Variants in TMEM94 observed in about 807,000 individuals in gnomAD.
TMEM94 encodes the protein transmembrane protein 94, also known as ER Mg2+ ATPase.
In TMEM94, 81 loss-of-function variants were observed where a neutral mutation model predicts 158.6. The observed-to-expected ratio is 0.51, with a 90% CI of 0.43 to 0.61. TMEM94 has a LOEUF of 0.61. Among genes scored for constraint, TMEM94 ranks in the 20% least tolerant of loss-of-function variants. The pLI, the probability that TMEM94 is intolerant of heterozygous loss-of-function variation, is 0.00. For synonymous variants in TMEM94, 751 were observed against 730.7 expected, an observed-to-expected ratio of 1.03 and a Z score of -0.45; for missense variants, 1,435 against 1,762.0, an observed-to-expected ratio of 0.81 and a Z score of 3.32.
chr17:75,496,740 C>T lies in TMEM94; in HGVS notation c.3254C>T (p.Ala1085Val). The stretch of plus-strand genomic sequence containing the variant: ...CCTCTTGGTCCCTAGGCTCGGCATG[C>T]CACCTATGGCATCCGTAAGTGCTTC... ...IIRLIEQARH[A>V]TYGIRKCFLF... The change falls in exon 25 of 32, where the codon GCC (alanine) becomes GTC (valine). Residue 1085 changes from alanine (A) to valine (V), a missense_variant. Around this residue, in one of 3 missense-constraint regions of TMEM94, gnomAD observed 335 missense variants for 409.1 expected, o/e 0.82. Transcript: ENST00000314256. The T allele has an allele frequency of 5.6e-6, 9 of 1,613,818 alleles. No homozygotes were observed. Among genetic ancestry groups the T allele is most frequent in the Non-Finnish European group, 7.6e-6 (9 of 1,179,972 alleles).
In TMEM94 at chr17:75,489,834, A is replaced by C; in HGVS notation, c.954+172A>C. Reference sequence around the variant, plus strand: ...GGGGACTCAGGCCTGTAATCCAAGCACTTTGGGAGGCCACGGCAGGCAGAT... The same window carrying C: ...GGGGACTCAGGCCTGTAATCCAAGCCCTTTGGGAGGCCACGGCAGGCAGAT... On this transcript the variant is annotated intron_variant, in intron 9 of 31. Coordinates refer to ENST00000314256, the MANE Select transcript of TMEM94 (RefSeq NM_014738.6). The surrounding 1 kb of genome is among the most constrained non-coding windows in gnomAD (Gnocchi z 5.0). 1 of 641,862 alleles carries C rather than the reference A, an allele frequency of 1.6e-6. No homozygotes were observed. The highest frequency in any genetic ancestry group is 2.7e-6 in the Non-Finnish European group (1 of 365,190). The allele number at this position is 641,862 out of a possible 1,614,324, so 39.8% of individuals were successfully genotyped here.
Position 75,471,886 on chromosome 17 carries a change from G to A in TMEM94, c.-20G>A, listed in dbSNP as rs965759531. On this transcript the variant is annotated 5_prime_UTR_variant, in exon 2 of 32. It removes an upstream start codon present in the reference 5' UTR. Transcript: ENST00000314256. ...GGGGTGACCACATTCATCTGGGCAT[G>A]CCTGCAGTACTCTTGGCCCATGGAC... 15 of 1,613,908 alleles carry A rather than the reference G, an allele frequency of 9.3e-6. No individual in the cohort carries two copies. Among genetic ancestry groups the A allele is most frequent in the Non-Finnish European group, 1.3e-5 (15 of 1,179,854 alleles).
intron 27 of TMEM94, 70 bp downstream of exon 27, chr17:75,497,932 G>T (rs1233148757): frequency 7.0e-7 from 1 of 1,435,558 alleles, no homozygotes; most frequent in African/African-American, 1.4e-5. Context: ...GGAGGAGAGA[G>T]GGGCTAATCT....
Position 75,471,854 on chromosome 17 carries a change from C to G in TMEM94, c.-52C>G. The G allele has an allele frequency of 2.5e-6, 4 of 1,608,232 alleles. No individual in the cohort carries two copies. Among genetic ancestry groups the G allele is most frequent in the Non-Finnish European group, 3.4e-6 (4 of 1,175,142 alleles). ...TTTGTACATGCTGGGGAGGAGCCTT[C>G]CTTTCAGGGGTGACCACATTCATCT... On this transcript the variant is annotated 5_prime_UTR_variant, in exon 2 of 32. Coordinates refer to ENST00000314256, the MANE Select transcript of TMEM94 (RefSeq NM_014738.6).
rs368472205 is a variant in TMEM94 at position 75,498,891 on chromosome 17, C to A, written c.3828-21C>A. The A allele has an allele frequency of 2.6e-6, 4 of 1,532,400 alleles. No individual in the cohort carries two copies. The highest frequency in any genetic ancestry group is 1.8e-4 in the Middle Eastern group (1 of 5,636). The allele number at this position is 1,532,400 out of a possible 1,614,324, so 94.9% of individuals were successfully genotyped here. ...GGAAGCAAGCAGTGTCGGGTTCACACGGGGCCGCCACCTCCTGCAGGCTGC... is the reference window on the plus strand; with the variant it reads ...GGAAGCAAGCAGTGTCGGGTTCACAAGGGGCCGCCACCTCCTGCAGGCTGC... On this transcript the variant is annotated intron_variant, in intron 30 of 31. Transcript: ENST00000314256. This position sits in a 1 kb window ranked among gnomAD's most constrained non-coding sequence, Gnocchi z 6.7.
rs771215379 is a variant in TMEM94, at chr17:75,490,333, G to T, written c.1054G>T (p.Ala352Ser). 88 of 1,613,520 alleles carry T rather than the reference G, an allele frequency of 5.5e-5. No individual in the cohort carries two copies. Among genetic ancestry groups the T allele is most frequent in the Non-Finnish European group, 7.3e-5 (86 of 1,179,944 alleles). ...CCGTGTCCTGGCCCAGATGAGCAAG[G>T]CCTCACCCAGCTCCCTGGTAGGTTT... is the stretch of plus-strand genomic sequence containing the variant. ...EARVLAQMSKASPSSLLAKFS... is the reference protein window; with the variant it reads ...EARVLAQMSKSSPSSLLAKFS... The change falls in exon 10 of 32, where the codon GCC (alanine) becomes TCC (serine). Residue 352 changes from alanine to serine, a missense_variant. Ala to Ser is a moderately conservative substitution (Grantham distance 99). Around this residue, in one of 3 missense-constraint regions of TMEM94, gnomAD observed 1,051 missense variants for 1,254.4 expected, o/e 0.84. Transcript: ENST00000314256.
Position 75,498,494 on chromosome 17 carries a change from T to G in TMEM94, c.3689T>G (p.Leu1230Arg). 6.3e-7 allele frequency: 1 copy of G among 1,594,694 alleles called. No individual in the cohort carries two copies. Reference sequence around the variant, plus strand: ...TTTGAGGACTTTGCCAATGGACTGCTGTCGGCTCAGAAGCTCACGGCCGCC... The same window carrying G: ...TTTGAGGACTTTGCCAATGGACTGCGGTCGGCTCAGAAGCTCACGGCCGCC... ...AWFEDFANGLLSAQKLTAALI... is the reference protein window; with the variant it reads ...AWFEDFANGLRSAQKLTAALI... The change falls in exon 29 of 32, where the codon CTG becomes CGG. Residue 1230 changes from leucine to arginine, a missense_variant. By Grantham distance (102) the Leu-to-Arg change is moderately radical. Around this residue, in one of 3 missense-constraint regions of TMEM94, gnomAD observed 335 missense variants for 409.1 expected, o/e 0.82. Transcript: ENST00000314256. This position sits in a 1 kb window ranked among gnomAD's most constrained non-coding sequence, Gnocchi z 6.7.
chr17:75,482,525 T>C (rs1326890882), intron 2 of TMEM94, among the ~76,000 whole-genome samples: 1 of 12,914 alleles, frequency 7.7e-5, no homozygotes, highest in Admixed American at 4.1e-4. Context: ...AATATATATA[T>C]ATGTATGTAT....
Position 75,496,746 on chromosome 17 carries a change from A to T in TMEM94, c.3260A>T (p.Tyr1087Phe), listed in dbSNP as rs763529241. 1.6e-5 allele frequency: 26 copies of T among 1,613,614 alleles called. No individual in the cohort carries two copies. The highest frequency in any genetic ancestry group is 2.1e-5 in the Non-Finnish European group (25 of 1,179,914). ...RLIEQARHAT[Y>F]GIRKCFLFLL... is the part of the protein sequence containing the mutation. ...GGTCCCTAGGCTCGGCATGCCACCTATGGCATCCGTAAGTGCTTCCTCTTC... is the reference window on the plus strand; with the variant it reads ...GGTCCCTAGGCTCGGCATGCCACCTTTGGCATCCGTAAGTGCTTCCTCTTC... The change falls in exon 25 of 32, where the codon TAT (tyrosine) becomes TTT (phenylalanine). Residue 1087 changes from tyrosine to phenylalanine, a missense_variant. By Grantham distance (22) the Tyr-to-Phe change is conservative. Coordinates refer to ENST00000314256, the MANE Select transcript of TMEM94 (RefSeq NM_014738.6).
chr17:75,480,553 C>T (rs2051080552), intron 2 of TMEM94, among the ~76,000 whole-genome samples: 1 of 152,210 alleles, frequency 6.6e-6, no homozygotes, highest in East Asian at 1.9e-4. Context: ...GTCTTGGCTG[C>T]TTGGAATGAG....
In TMEM94 at chr17:75,465,655, T is replaced by TATTTATATATA. The variant is rs9302993; in HGVS notation, c.-106-6145_-106-6144insATTTATATATA. Among the ~76,000 whole-genome samples, 32 of 98,836 alleles carry TATTTATATATA rather than the reference T, an allele frequency of 3.2e-4. 1 individual carries two copies. Among genetic ancestry groups the TATTTATATATA allele is most frequent in the African/African-American group, 1.3e-3 (24 of 18,846 alleles). The allele number at this position is 98,836 out of a possible 152,430, so 64.8% of individuals were successfully genotyped here. On this transcript the variant is annotated intron_variant, in intron 1 of 31. Transcript: ENST00000314256. ...TCTTGTTACTGAGCTATAAGAATTTTTATATATATATATATATATATATAT... is the reference window on the plus strand; with the variant it reads ...TCTTGTTACTGAGCTATAAGAATTTTATTTATATATATATATATATATATATATATATATAT...
intron 2 of TMEM94, chr17:75,476,375 T>G: frequency 1.7e-6 from 1 of 592,166 alleles, no homozygotes; most frequent in Non-Finnish European, 2.6e-6. Context: ...TGGACAAACT[T>G]TCTCTTCTCA....
rs1448296819 is a variant in TMEM94, at chr17:75,499,550, CTT to C, written c.*217_*218del. 6 of 593,258 alleles carry C rather than the reference CTT, an allele frequency of 1.0e-5. No individual in the cohort carries two copies. The highest frequency in any genetic ancestry group is 1.8e-5 in the Non-Finnish European group (6 of 334,236). The allele number at this position is 593,258 out of a possible 1,614,324, so 36.7% of individuals were successfully genotyped here. A position where few individuals can be genotyped will look rare whatever the true frequency, so the allele number is the denominator to read the frequency against. ...CCTGGGCCCTTGGCCAGTCCTGGCT[CTT>C]CCCTGGGCCTCACCAGGGACACTCT... On this transcript the variant is annotated 3_prime_UTR_variant, in exon 32 of 32. Transcript: ENST00000314256.
intron 1 of TMEM94, among the ~76,000 whole-genome samples, chr17:75,463,186 A>G (rs1300039432): frequency 7.5e-6 from 1 of 132,556 alleles, no homozygotes; most frequent in Admixed American, 7.7e-5. Context: ...GTGTATATAT[A>G]TATATATATA....
intron 2 of TMEM94, among the ~76,000 whole-genome samples, chr17:75,481,235 G>A (rs1157223293): frequency 6.6e-6 from 1 of 152,262 alleles, no homozygotes; most frequent in Non-Finnish European, 1.5e-5. Context: ...TTGCCAAAGG[G>A]AGGTGGGTGC....
At chr17:75,475,593 G>T (rs892266149) in intron 2 of TMEM94, among the ~76,000 whole-genome samples, 1 of 152,190 alleles carries the variant, frequency 6.6e-6, no homozygotes, top group East Asian at 1.9e-4. Flanking sequence ...TCAAACTCGC[G>T]GTCCCTGAAT....
chr17:75,480,598 C>T (rs1366063196), intron 2 of TMEM94, among the ~76,000 whole-genome samples: 2 of 152,308 alleles, frequency 1.3e-5, no homozygotes, highest in African/African-American at 2.4e-5. Flanking sequence ...ATGTGGCCCA[C>T]GAGAATCAAT....
intron 1 of TMEM94, among the ~76,000 whole-genome samples, chr17:75,468,349 T>G (rs111643935): frequency 0.024 from 3,591 of 152,324 alleles, 75 homozygotes; most frequent in Middle Eastern, 0.068. Context: ...CAGAGTGATT[T>G]TGCCTTTGCA....
intron 2 of TMEM94, 34 bp downstream of exon 2, chr17:75,471,963 C>T (rs368869929): frequency 1.6e-5 from 26 of 1,607,052 alleles, no homozygotes; most frequent in Non-Finnish European, 1.4e-5. Context: ...TAGGTATTGT[C>T]TGTGTGTCTC....
Sources: allele counts gnomAD v4.1 joint callset (sites outside exome capture counted in the v4.1 genomes callset), GRCh38; gene constraint gnomAD v4.1.1; regional missense constraint gnomAD v4.1.1; non-coding constraint Gnocchi (gnomAD v3.1); transcripts MANE v1.5; gene names NCBI Gene and HGNC (gene_info 2026-07-23, HGNC 2026-07-21).